The following FTCDNL1 variants were observed in gnomAD, a reference collection of about 807,000 sequenced individuals.
FTCDNL1 encodes formiminotransferase N-terminal subdomain-containing protein.
FTCDNL1 carries 11 observed loss-of-function variants against 5.9 expected under a neutral mutation model. The ratio of observed to expected loss-of-function variants is 1.87; its 90% CI spans 1.18 to 3.10. The LOEUF is 3.10. Among genes scored for constraint, FTCDNL1 ranks in the 30% most tolerant of loss-of-function variants. FTCDNL1 has a pLI of 0.00. For missense variants in FTCDNL1, 115 were observed against 65.5 expected (o/e 1.76, Z -2.61); for synonymous variants, 58 against 24.8 (o/e 2.34, Z -3.99).
At chr2:199,711,111 T>C in the FTCDNL1 span, among the ~76,000 whole-genome samples, 4 of 152,068 alleles carry the variant, frequency 2.6e-5, no homozygotes, top group Admixed American at 1.3e-4. Context: ...TAGGCTTCAA[T>C]AGGGTGCAGC....
chr2:199,668,052 C>G, the FTCDNL1 span, among the ~76,000 whole-genome samples: 2 of 152,160 alleles, frequency 1.3e-5, no homozygotes, highest in Non-Finnish European at 2.9e-5. Context: ...TTGCTGACAG[C>G]ATTAATGAAG....
chr2:199,735,980 A>G, the FTCDNL1 span, among the ~76,000 whole-genome samples: 1 of 152,230 alleles, frequency 6.6e-6, no homozygotes, highest in Non-Finnish European at 1.5e-5. Context: ...ATAGCTATGA[A>G]TTCTTTGAAA....
chr2:199,850,359 C>T (rs2076843800), intron 1 of FTCDNL1, among the ~76,000 whole-genome samples: 1 of 152,242 alleles, frequency 6.6e-6, no homozygotes, highest in African/African-American at 2.4e-5. Context: ...TCATCAGGCA[C>T]TTTCCCAACA....
chr2:199,731,149 C>A, the FTCDNL1 span, among the ~76,000 whole-genome samples: 1 of 152,128 alleles, frequency 6.6e-6, no homozygotes, highest in African/African-American at 2.4e-5. Flanking sequence ...ACAATGAGAT[C>A]ACATGGACAC....
the FTCDNL1 span, among the ~76,000 whole-genome samples, chr2:199,725,406 G>A: frequency 1.1e-4 from 16 of 152,274 alleles, no homozygotes; most frequent in Non-Finnish European, 1.9e-4. Context: ...ATATTGCTAT[G>A]TGTGAATTTA....
chr2:199,784,559 G>T (rs1224476784), intron 3 of FTCDNL1, among the ~76,000 whole-genome samples: 2 of 152,204 alleles, frequency 1.3e-5, no homozygotes, highest in Non-Finnish European at 2.9e-5. Flanking sequence ...ACCTGTCGGG[G>T]TGAGGGAAGC....
chr2:199,712,569 A>G, the FTCDNL1 span, among the ~76,000 whole-genome samples: 21 of 152,178 alleles, frequency 1.4e-4, no homozygotes, highest in Non-Finnish European at 2.8e-4. Flanking sequence ...TACCATAACA[A>G]AGTACCATAA....
At chr2:199,756,316 C>T (rs188441808), downstream of FTCDNL1, among the ~76,000 whole-genome samples, 21 of 152,190 alleles carry the variant, frequency 1.4e-4, no homozygotes, top group Admixed American at 9.2e-4. Flanking sequence ...TTTTCTTCAA[C>T]GCTAACTAAG....
downstream of FTCDNL1, among the ~76,000 whole-genome samples, chr2:199,756,688 C>T (rs887903031): frequency 3.3e-5 from 5 of 152,308 alleles, no homozygotes; most frequent in East Asian, 7.7e-4. Context: ...GAGGTTGTAT[C>T]GGTCACAACA....
intron 3 of FTCDNL1, among the ~76,000 whole-genome samples, chr2:199,825,428 A>G (rs778353530): frequency 3.9e-4 from 59 of 152,184 alleles, no homozygotes; most frequent in Non-Finnish European, 6.3e-4. Context: ...GAATTGCAAG[A>G]TAATGTTTAG....
At chr2:199,827,886 T>C (rs1274476609) in intron 3 of FTCDNL1, among the ~76,000 whole-genome samples, 1 of 152,160 alleles carries the variant, frequency 6.6e-6, no homozygotes, top group Non-Finnish European at 1.5e-5. Context: ...TTTTAACAAT[T>C]CCTCTTCCAT....
At chr2:199,693,742 T>A in the FTCDNL1 span, among the ~76,000 whole-genome samples, 1 of 152,218 alleles carries the variant, frequency 6.6e-6, no homozygotes, top group Non-Finnish European at 1.5e-5. Flanking sequence ...AAATAAATTA[T>A]CAGAGCATTA....
intron 3 of FTCDNL1, among the ~76,000 whole-genome samples, chr2:199,833,158 G>A (rs369538246): frequency 6.6e-6 from 1 of 152,056 alleles, no homozygotes; most frequent in Non-Finnish European, 1.5e-5. Flanking sequence ...TCCTTGTAAA[G>A]ATGAAGTCTC....
chr2:199,727,371 AGCTCTGTGCTTGG>A, the FTCDNL1 span, among the ~76,000 whole-genome samples: 1 of 152,220 alleles, frequency 6.6e-6, no homozygotes, highest in South Asian at 2.1e-4. Flanking sequence ...GAGTCTGCAC[AGCTCTGTGCTTGG>A]GACCCAAGGC....
chr2:199,842,272 A>C (rs13404884), intron 3 of FTCDNL1, among the ~76,000 whole-genome samples: 1,924 of 152,102 alleles, frequency 0.013, 36 homozygotes, highest in African/African-American at 0.044. Flanking sequence ...CATCTCAAAA[A>C]ATTTAAAAAA....
the FTCDNL1 span, among the ~76,000 whole-genome samples, chr2:199,744,445 CAG>C: frequency 1.7e-3 from 250 of 149,386 alleles, no homozygotes; most frequent in Admixed American, 1.7e-3. Context: ...CACACACACA[CAG>C]AGAGAGAGAG....
At chr2:199,802,112 G>A (rs1021121895) in intron 3 of FTCDNL1, among the ~76,000 whole-genome samples, 2 of 152,150 alleles carry the variant, frequency 1.3e-5, no homozygotes, top group African/African-American at 2.4e-5. Context: ...AAGAAATAGA[G>A]GTGGGAAGAG....
chr2:199,664,011 T>C, the FTCDNL1 span, among the ~76,000 whole-genome samples: 29 of 151,804 alleles, frequency 1.9e-4, no homozygotes, highest in Non-Finnish European at 3.7e-4. Flanking sequence ...ACTGACGTGC[T>C]CTTCAGTGAC....
the FTCDNL1 span, among the ~76,000 whole-genome samples, chr2:199,717,292 A>G: frequency 6.6e-6 from 1 of 152,140 alleles, no homozygotes; most frequent in African/African-American, 2.4e-5. Context: ...TCAGCTTCCC[A>G]TCAACACAAG....
Sources: allele counts gnomAD v4.1 joint callset (sites outside exome capture counted in the v4.1 genomes callset), GRCh38; gene constraint gnomAD v4.1.1; transcripts MANE v1.5; gene names NCBI Gene and HGNC (gene_info 2026-07-23, HGNC 2026-07-21).